Variants in RHOBTB1 observed in about 807,000 individuals in gnomAD.
RHOBTB1 encodes the protein Rho related BTB domain containing 1.
A neutral mutation model predicts 71.6 loss-of-function variants in RHOBTB1; 40 were observed. The ratio of observed to expected loss-of-function variants is 0.56; its 90% CI spans 0.43 to 0.73. The LOEUF (loss-of-function observed/expected upper bound fraction) is 0.73. Ranked by LOEUF, RHOBTB1 falls within the 30% of genes least tolerant of loss-of-function variation. RHOBTB1 has a pLI of 0.00. For synonymous variants in RHOBTB1, 319 were observed against 334.9 expected (o/e 0.95, Z 0.52); for missense variants, 797 against 894.0 (o/e 0.89, Z 1.38).
intron 2 of RHOBTB1, among the ~76,000 whole-genome samples, chr10:60,979,596 C>A (rs939630942): frequency 2.0e-5 from 3 of 152,102 alleles, no homozygotes; most frequent in African/African-American, 7.2e-5. Context: ...CAATACCAGG[C>A]ACTGGAGTAC....
chr10:60,917,724 G>GA (rs1564954244), intron 2 of RHOBTB1, among the ~76,000 whole-genome samples: 1 of 151,966 alleles, frequency 6.6e-6, no homozygotes, highest in Non-Finnish European at 1.5e-5. Context: ...TTCAACATAT[G>GA]AATTGGGGGA....
In RHOBTB1 at chr10:60,888,823, C is replaced by A. The variant is rs201980179; in HGVS notation, c.845G>T (p.Arg282Leu). Residue 282 changes from arginine to leucine, a missense_variant, in exon 6 of 11, where the codon CGA becomes CTA. By Grantham distance (102) the Arg-to-Leu change is moderately radical. This residue lies in a region of RHOBTB1 where 658 missense variants were observed against 681.5 expected (regional missense o/e 0.97). Transcript: ENST00000337910. Reference protein sequence around the residue: ...LQDQEHIFAHRIYLATSSSKF... With the variant: ...LQDQEHIFAHLIYLATSSSKF... ...GGAAGAAGAGGTAGCGAGGTAAATT[C>A]GATGTGCAAAGATGTGTTCCTGGTC... is the stretch of plus-strand genomic sequence containing the variant. 3.7e-6 allele frequency: 6 copies of A among 1,614,130 alleles called. No individual in the cohort carries two copies. Among genetic ancestry groups the A allele is most frequent in the Non-Finnish European group, 4.2e-6 (5 of 1,180,026 alleles).
chr10:60,872,721 C>T (rs1194462772), intron 9 of RHOBTB1, among the ~76,000 whole-genome samples: 16 of 152,194 alleles, frequency 1.1e-4, no homozygotes, highest in Admixed American at 6.5e-4. Flanking sequence ...GGCCAAGATC[C>T]GAAAGAGGAG....
At chr10:60,958,049 T>G (rs192185118) in intron 2 of RHOBTB1, among the ~76,000 whole-genome samples, 1 of 152,220 alleles carries the variant, frequency 6.6e-6, no homozygotes, top group East Asian at 1.9e-4. Context: ...GTTAATCTCA[T>G]TAAAAAGCCA....
intron 5 of RHOBTB1, 108 bp downstream of exon 5, chr10:60,892,702 G>T: frequency 1.1e-6 from 1 of 937,888 alleles, no homozygotes; most frequent in African/African-American, 1.7e-5. Flanking sequence ...ATGGCTGATT[G>T]ATGGGATCCA....
At chr10:60,998,697 A>G (rs2087147250) in intron 1 of RHOBTB1, among the ~76,000 whole-genome samples, 1 of 152,226 alleles carries the variant, frequency 6.6e-6, no homozygotes, top group Non-Finnish European at 1.5e-5. Flanking sequence ...CTTGGCATCC[A>G]AAATCCTGGA....
intron 2 of RHOBTB1, among the ~76,000 whole-genome samples, chr10:60,965,397 GA>G (rs1253726573): frequency 6.6e-6 from 1 of 151,476 alleles, no homozygotes; most frequent in Non-Finnish European, 1.5e-5. Flanking sequence ...GTTTATAGAT[GA>G]AAAAAATGCT....
intron 2 of RHOBTB1, among the ~76,000 whole-genome samples, chr10:60,920,007 G>C (rs1489806947): frequency 6.6e-6 from 1 of 152,182 alleles, no homozygotes; most frequent in African/African-American, 2.4e-5. Context: ...ACCACCATAA[G>C]TGAACTGTGT....
chr10:61,000,384 C>G (rs934041510), intron 1 of RHOBTB1, among the ~76,000 whole-genome samples: 1 of 152,104 alleles, frequency 6.6e-6, no homozygotes, highest in Non-Finnish European at 1.5e-5. Flanking sequence ...TTTCCCAGAT[C>G]TGGTGGCCAA....
chr10:60,995,463 C>T (rs2087016284), intron 1 of RHOBTB1, among the ~76,000 whole-genome samples: 1 of 152,116 alleles, frequency 6.6e-6, no homozygotes, highest in African/African-American at 2.4e-5. Flanking sequence ...AACCTGGCTG[C>T]TTTGCAAATT....
intron 2 of RHOBTB1, among the ~76,000 whole-genome samples, chr10:60,971,312 A>AACCAAAACAGCATGGTACTGGT (rs1378915819): frequency 5.3e-4 from 81 of 152,190 alleles, no homozygotes; most frequent in Middle Eastern, 3.4e-3. Flanking sequence ...AGGCTACAGT[A>AACCAAAACAGCATGGTACTGGT]ACCAAAACAG....
intron 9 of RHOBTB1, among the ~76,000 whole-genome samples, chr10:60,873,137 C>T (rs183864300): frequency 3.0e-4 from 45 of 152,362 alleles, no homozygotes; most frequent in African/African-American, 1.0e-3. Flanking sequence ...CTGAAAATCA[C>T]AACCCAAACA....
intron 2 of RHOBTB1, among the ~76,000 whole-genome samples, chr10:60,933,455 C>T (rs927203565): frequency 6.6e-6 from 1 of 152,184 alleles, no homozygotes; most frequent in African/African-American, 2.4e-5. Context: ...GGTGCGGTGG[C>T]TCACGCCTGT....
chr10:60,904,025 C>T (rs760903454), intron 4 of RHOBTB1, among the ~76,000 whole-genome samples: 1 of 151,686 alleles, frequency 6.6e-6, no homozygotes, highest in Non-Finnish European at 1.5e-5. Context: ...TACAGTTGTG[C>T]AATCCTAGCT....
At chr10:60,956,118 C>A (rs531360899) in intron 2 of RHOBTB1, among the ~76,000 whole-genome samples, 20 of 152,294 alleles carry the variant, frequency 1.3e-4, no homozygotes, top group African/African-American at 4.3e-4. Flanking sequence ...CTACTACACA[C>A]CTAGGCTATA....
chr10:60,913,597 T>C (rs1217541121), intron 2 of RHOBTB1, among the ~76,000 whole-genome samples: 3 of 152,144 alleles, frequency 2.0e-5, no homozygotes, highest in East Asian at 1.9e-4. Flanking sequence ...AACACTGCAG[T>C]GTCTGGAAAC....
chr10:60,942,084 C>A (rs895424135), intron 1 of RHOBTB1, among the ~76,000 whole-genome samples: 1 of 151,988 alleles, frequency 6.6e-6, no homozygotes, highest in African/African-American at 2.4e-5. Flanking sequence ...TTTTTGAGCT[C>A]TTGGGACGAT....
intron 2 of RHOBTB1, among the ~76,000 whole-genome samples, chr10:60,939,904 C>A (rs1034178791): frequency 6.6e-6 from 1 of 152,104 alleles, no homozygotes; most frequent in Non-Finnish European, 1.5e-5. Context: ...ATGCTAATTC[C>A]TAGATCTCTT....
intron 7 of RHOBTB1, among the ~76,000 whole-genome samples, chr10:60,878,677 C>T (rs1458308054): frequency 1.3e-5 from 2 of 152,234 alleles, no homozygotes; most frequent in Non-Finnish European, 2.9e-5. Flanking sequence ...GGACTCCTTG[C>T]TTGGGACTTC....
Sources: allele counts gnomAD v4.1 joint callset (sites outside exome capture counted in the v4.1 genomes callset), GRCh38; gene constraint gnomAD v4.1.1; regional missense constraint gnomAD v4.1.1; transcripts MANE v1.5; gene names NCBI Gene and HGNC (gene_info 2026-07-23, HGNC 2026-07-21).